The following CNTN4 variants were observed in gnomAD, a reference collection of about 807,000 sequenced individuals.
CNTN4 encodes contactin 4.
Under a neutral mutation model 122.5 loss-of-function variants are expected in CNTN4, and 77 were observed. The ratio of observed to expected loss-of-function variants is 0.63; its 90% CI spans 0.52 to 0.76. The LOEUF is 0.76. CNTN4 is among the 30% of genes least tolerant of loss of function. The pLI is 0.00. For missense variants in CNTN4, 1,256 were observed against 1,259.1 expected, an observed-to-expected ratio of 1.00 and a Z score of 0.04; for synonymous variants, 512 against 447.0, an observed-to-expected ratio of 1.15 and a Z score of -1.83.
chr3:2,207,698 T>A (rs1260509231), intron 2 of CNTN4, among the ~76,000 whole-genome samples: 1 of 152,084 alleles, frequency 6.6e-6, no homozygotes, highest in African/African-American at 2.4e-5. Flanking sequence ...GCTGCAGAAA[T>A]TTATGCAGAA....
At position 2,903,019 on chromosome 3, in the gene CNTN4, C is replaced by G; in HGVS notation, c.1207+14C>G. ...TTAGTGTTATAGGTGAGTCTTTATA[C>G]TGGCAAGAAAAAAAAATTAAAACTC... On this transcript the variant is annotated intron_variant, in intron 12 of 24. Transcript: ENST00000418658. 3.7e-6 allele frequency: 6 copies of G among 1,612,300 alleles called. No individual in the cohort carries two copies. The highest frequency in any genetic ancestry group is 5.1e-6 in the Non-Finnish European group (6 of 1,178,980).
intron 2 of CNTN4, among the ~76,000 whole-genome samples, chr3:2,220,046 A>G (rs2039000857): frequency 6.6e-6 from 1 of 152,168 alleles, no homozygotes; most frequent in Non-Finnish European, 1.5e-5. Context: ...AGACAAATAC[A>G]ATTACTCATT....
chr3:3,054,630 GAAA>G (rs372487690), intron 24 of CNTN4, among the ~76,000 whole-genome samples: 1 of 151,712 alleles, frequency 6.6e-6, no homozygotes, highest in Non-Finnish European at 1.5e-5. Context: ...TTTATTTAAA[GAAA>G]AAAAACAAAA....
intron 3 of CNTN4, among the ~76,000 whole-genome samples, chr3:2,382,060 G>C (rs749759117): frequency 3.3e-5 from 5 of 152,076 alleles, no homozygotes; most frequent in African/African-American, 4.8e-5. Flanking sequence ...TTATGGCTCT[G>C]TGATGTCTGC....
chr3:2,745,127 G>A (rs1277630587), intron 5 of CNTN4, among the ~76,000 whole-genome samples: 2 of 152,186 alleles, frequency 1.3e-5, no homozygotes, highest in African/African-American at 2.4e-5. Context: ...AGTATATGCT[G>A]TCATCTGTAT....
Position 3,056,205 on chromosome 3 carries a change from T to A in CNTN4, c.3066T>A (p.Ala1022=). The change falls in exon 25 of 25, where the codon GCT becomes GCA. Residue 1022 remains alanine (A), a synonymous_variant. Transcript: ENST00000418658. ...GTACAATAATGATTTCCCTCACAGCTAGGTCCAGTTTATGACAAAAGTTAT... is the reference window on the plus strand; with the variant it reads ...GTACAATAATGATTTCCCTCACAGCAAGGTCCAGTTTATGACAAAAGTTAT... ...AISTIMISLT[A]RSSL is the part of the protein sequence containing the mutation. The A allele has an allele frequency of 6.2e-7, 1 of 1,613,624 alleles. No homozygotes were observed. The highest frequency in any genetic ancestry group is 8.5e-7 in the Non-Finnish European group (1 of 1,179,518).
intron 4 of CNTN4, among the ~76,000 whole-genome samples, chr3:2,721,590 T>C (rs909810264): frequency 2.6e-5 from 4 of 152,094 alleles, no homozygotes; most frequent in Non-Finnish European, 4.4e-5. Flanking sequence ...AGTGTGAGTG[T>C]ATGTGTGTGT....
chr3:2,312,379 C>T (rs947235504), intron 2 of CNTN4, among the ~76,000 whole-genome samples: 3 of 152,126 alleles, frequency 2.0e-5, no homozygotes, highest in Admixed American at 6.6e-5. Context: ...TGCCAACCAA[C>T]ATTTGACATA....
intron 4 of CNTN4, among the ~76,000 whole-genome samples, chr3:2,689,052 G>T (rs765782440): frequency 2.6e-5 from 4 of 152,164 alleles, no homozygotes; most frequent in African/African-American, 7.2e-5. Flanking sequence ...AGTTCGAAAG[G>T]TTGCAGACAT....
intron 6 of CNTN4, among the ~76,000 whole-genome samples, chr3:2,794,678 A>G (rs761535148): frequency 2.0e-5 from 3 of 152,224 alleles, no homozygotes; most frequent in Admixed American, 6.5e-5. Flanking sequence ...TTGAAAACTT[A>G]CATCTTCCAT....
chr3:2,830,937 C>T (rs1309563201), intron 7 of CNTN4, among the ~76,000 whole-genome samples: 1 of 152,156 alleles, frequency 6.6e-6, no homozygotes, highest in Non-Finnish European at 1.5e-5. Context: ...GAAATAGACT[C>T]TGGTTAGGAG....
intron 12 of CNTN4, among the ~76,000 whole-genome samples, chr3:2,907,600 T>A (rs2094251808): frequency 6.6e-6 from 1 of 151,614 alleles, no homozygotes. Flanking sequence ...CTCTTGATAA[T>A]CTGTATAAGA....
chr3:2,871,536 TAG>T (rs2093784410), intron 8 of CNTN4, among the ~76,000 whole-genome samples: 1 of 152,042 alleles, frequency 6.6e-6, no homozygotes, highest in Admixed American at 6.5e-5. Flanking sequence ...TTCTAAAACA[TAG>T]AGTTTTCAAA....
chr3:2,710,661 G>A (rs150263259), intron 4 of CNTN4, among the ~76,000 whole-genome samples: 181 of 152,148 alleles, frequency 1.2e-3, no homozygotes, highest in Non-Finnish European at 2.2e-3. Flanking sequence ...CTGGCCACCC[G>A]TGGACTTGTC....
At chr3:2,134,397 G>A (rs1034883798) in intron 2 of CNTN4, among the ~76,000 whole-genome samples, 8 of 152,322 alleles carry the variant, frequency 5.3e-5, no homozygotes, top group African/African-American at 1.9e-4. Context: ...CAGACAGGTT[G>A]ATGGATGATA....
At chr3:2,999,065 A>C (rs1194764251) in intron 14 of CNTN4, 2 of 152,230 alleles carry the variant, frequency 1.3e-5, no homozygotes, top group Non-Finnish European at 2.9e-5. Context: ...TCCAGGCTGT[A>C]TTCAATCCAT....
intron 4 of CNTN4, among the ~76,000 whole-genome samples, chr3:2,606,119 C>T (rs1014852214): frequency 2.0e-5 from 3 of 152,034 alleles, no homozygotes; most frequent in African/African-American, 4.8e-5. Flanking sequence ...TATGTCATTG[C>T]AGTTTAAATA....
chr3:2,397,259 C>T (rs926316489), intron 3 of CNTN4, among the ~76,000 whole-genome samples: 13 of 152,054 alleles, frequency 8.5e-5, no homozygotes, highest in Admixed American at 5.2e-4. Context: ...TTTTCTTATG[C>T]GAATTACAGC....
At position 3,042,355 on chromosome 3, in the gene CNTN4, C is replaced by A. The variant is rs759872185; in HGVS notation, c.2444C>A (p.Ala815Asp). 2 of 1,614,108 alleles carry A rather than the reference C, an allele frequency of 1.2e-6. No homozygotes were observed. The highest frequency in any genetic ancestry group is 1.7e-6 in the Non-Finnish European group (2 of 1,179,976). Residue 815 changes from alanine to aspartate, a missense_variant, in exon 21 of 25, where the codon GCC (alanine) becomes GAC (aspartate). Ala to Asp is a moderately radical substitution (Grantham distance 126). Coordinates refer to ENST00000418658, the MANE Select transcript of CNTN4 (RefSeq NM_175607.3). Reference protein sequence around the residue: ...PASIFARSLSATDIEVFWASP... With the variant: ...PASIFARSLSDTDIEVFWASP... ...AGTATCTTTGCCAGAAGTCTTTCTG[C>A]CACAGATATTGAAGTTTTCTGGGCC...
Sources: allele counts gnomAD v4.1 joint callset (sites outside exome capture counted in the v4.1 genomes callset), GRCh38; gene constraint gnomAD v4.1.1; transcripts MANE v1.5; gene names NCBI Gene and HGNC (gene_info 2026-07-23, HGNC 2026-07-21).